Variants in ULK4 observed in about 807,000 individuals in gnomAD.
ULK4 encodes inactive serine/threonine-protein kinase ULK4.
Under a neutral mutation model 160.6 loss-of-function variants are expected in ULK4, and 133 were observed. The ratio of observed to expected loss-of-function variants is 0.83; its 90% confidence interval spans 0.72 to 0.96. The LOEUF (loss-of-function observed/expected upper bound fraction) is 0.96. Ranked by LOEUF, ULK4 falls within the 40% of genes least tolerant of loss-of-function variation. ULK4 has a pLI of 0.00. For missense variants in ULK4, 1,580 were observed against 1,499.5 expected (o/e 1.05, Z -0.89); for synonymous variants, 534 against 539.8 (o/e 0.99, Z 0.15).
At chr3:41,864,146 T>C (rs1424846573) in intron 17 of ULK4, among the ~76,000 whole-genome samples, 1 of 149,804 alleles carries the variant, frequency 6.7e-6, no homozygotes, top group Non-Finnish European at 1.5e-5. Flanking sequence ...GACTCCCCTT[T>C]GGCTAGGGCT....
intron 35 of ULK4, among the ~76,000 whole-genome samples, chr3:41,262,893 C>T (rs896349754): frequency 1.4e-5 from 2 of 147,190 alleles, no homozygotes; most frequent in Non-Finnish European, 2.9e-5. Flanking sequence ...CTAACTACAA[C>T]AGCCAGTTCC....
chr3:41,865,736 A>C (rs528445299), intron 17 of ULK4, among the ~76,000 whole-genome samples: 8 of 152,304 alleles, frequency 5.3e-5, no homozygotes, highest in Non-Finnish European at 1.0e-4. Flanking sequence ...AAATTTTTTT[A>C]AATAAATTTA....
intron 32 of ULK4, among the ~76,000 whole-genome samples, chr3:41,484,236 T>C (rs1163828715): frequency 6.6e-6 from 1 of 152,094 alleles, no homozygotes; most frequent in South Asian, 2.1e-4. Context: ...ATGTCTCCAA[T>C]ATCTATCAAA....
chr3:41,311,008 TAATA>T (rs553222735), intron 35 of ULK4, among the ~76,000 whole-genome samples: 1,676 of 149,948 alleles, frequency 0.011, 34 homozygotes, highest in African/African-American at 0.039. Context: ...AAAATAATAA[TAATA>T]AATAAATAAA....
chr3:41,306,561 G>A (rs1434038610), intron 35 of ULK4, among the ~76,000 whole-genome samples: 13 of 150,922 alleles, frequency 8.6e-5, no homozygotes, highest in African/African-American at 2.4e-4. Flanking sequence ...CACCCCGTCC[G>A]GGAGGTGAGG....
chr3:41,860,925 G>A (rs1172723719), intron 17 of ULK4, among the ~76,000 whole-genome samples: 1 of 151,842 alleles, frequency 6.6e-6, no homozygotes, highest in East Asian at 1.9e-4. Context: ...TTTTTGGCTT[G>A]AGGTTACCAT....
At chr3:41,819,726 T>C (rs115482835) in intron 18 of ULK4, among the ~76,000 whole-genome samples, 2 of 152,334 alleles carry the variant, frequency 1.3e-5, no homozygotes, top group African/African-American at 4.8e-5. Flanking sequence ...TTATATATGA[T>C]GTGGGTAAGA....
chr3:41,651,424 T>C (rs1381717867), intron 30 of ULK4, among the ~76,000 whole-genome samples: 2 of 152,170 alleles, frequency 1.3e-5, no homozygotes, highest in Middle Eastern at 6.3e-3. Flanking sequence ...TAGTGGAAGG[T>C]ATGTTTGTTT....
chr3:41,735,687 T>TTTATTA (rs10652302), intron 22 of ULK4, among the ~76,000 whole-genome samples: 4,799 of 144,474 alleles, frequency 0.033, 190 homozygotes, highest in African/African-American at 0.094. Flanking sequence ...CTAAGTCCAT[T>TTTATTA]TTATTATTAT....
At chr3:41,505,442 A>G (rs887629506) in intron 32 of ULK4, among the ~76,000 whole-genome samples, 2 of 152,160 alleles carry the variant, frequency 1.3e-5, no homozygotes, top group African/African-American at 2.4e-5. Context: ...ATACTGTTCT[A>G]TGAACATCCT....
intron 15 of ULK4, among the ~76,000 whole-genome samples, chr3:41,896,442 CAG>C (rs1698160304): frequency 1.3e-5 from 2 of 152,068 alleles, no homozygotes; most frequent in Non-Finnish European, 2.9e-5. Context: ...TTAGTAGAGA[CAG>C]GGTTTCACCA....
At chr3:41,513,715 T>A (rs542710742) in intron 32 of ULK4, among the ~76,000 whole-genome samples, 2 of 152,228 alleles carry the variant, frequency 1.3e-5, no homozygotes, top group Non-Finnish European at 2.9e-5. Flanking sequence ...AACTCAGGAA[T>A]AGAAAATCAA....
chr3:41,760,340 G>A (rs1320173011), intron 21 of ULK4, among the ~76,000 whole-genome samples: 1 of 152,040 alleles, frequency 6.6e-6, no homozygotes, highest in Admixed American at 6.6e-5. Context: ...CAGGAATCCT[G>A]GAAAACAGTT....
At chr3:41,845,779 C>T (rs2042056916) in intron 17 of ULK4, among the ~76,000 whole-genome samples, 1 of 152,100 alleles carries the variant, frequency 6.6e-6, no homozygotes. Flanking sequence ...CCCCCCAAAT[C>T]TCATGTTGAA....
chr3:41,875,941 G>C (rs1042178702), intron 17 of ULK4, among the ~76,000 whole-genome samples: 11 of 137,762 alleles, frequency 8.0e-5, no homozygotes, highest in Non-Finnish European at 1.7e-4. Context: ...GAAGTACCCA[G>C]TATCACCTAT....
rs563179835 is a variant in ULK4 at position 41,591,009 on chromosome 3, C to T, written c.3120+24660G>A. Among the ~76,000 whole-genome samples, 17 of 152,048 alleles carry T rather than the reference C, an allele frequency of 1.1e-4. No homozygotes were observed. The East Asian group carries it at 3.1e-3, about 28-fold the overall frequency. On this transcript the variant is annotated intron_variant, in intron 31 of 36. Coordinates refer to ENST00000301831, the MANE Select transcript of ULK4 (RefSeq NM_017886.4). ...ACAGATGGATAAACATTCACAAACA[C>T]ACATATGTACACACACACCCTCCAC... is the stretch of plus-strand genomic sequence containing the variant.
chr3:41,506,039 A>G (rs1403372413), intron 32 of ULK4, among the ~76,000 whole-genome samples: 1 of 152,218 alleles, frequency 6.6e-6, no homozygotes. Flanking sequence ...AAATGCATTT[A>G]CTGTAGTGTT....
intron 34 of ULK4, among the ~76,000 whole-genome samples, chr3:41,452,987 A>G (rs1474284469): frequency 1.3e-5 from 2 of 152,012 alleles, no homozygotes; most frequent in East Asian, 3.9e-4. Context: ...GAAAATGTAC[A>G]CTCAGTTCAG....
intron 34 of ULK4, among the ~76,000 whole-genome samples, chr3:41,428,163 C>T (rs1429903754): frequency 3.3e-5 from 5 of 152,242 alleles, no homozygotes; most frequent in Admixed American, 2.6e-4. Context: ...AACTCTCATT[C>T]ACAATTGTTA....
Sources: allele counts gnomAD v4.1 joint callset (sites outside exome capture counted in the v4.1 genomes callset), GRCh38; gene constraint gnomAD v4.1.1; transcripts MANE v1.5; gene names NCBI Gene and HGNC (gene_info 2026-07-23, HGNC 2026-07-21).